Variants in RADIL observed in about 807,000 individuals in gnomAD.
RADIL encodes the protein Rap associating with DIL domain, also known as ras-associating and dilute domain-containing protein.
RADIL carries 99 observed loss-of-function variants against 97.6 expected under a neutral mutation model. The observed-to-expected ratio is 1.01, with a 90% CI of 0.86 to 1.20. The LOEUF (loss-of-function observed/expected upper bound fraction) is 1.20. Ranked by LOEUF, RADIL falls within the 50% of genes most tolerant of loss-of-function variation. The probability of loss-of-function intolerance (pLI) is 0.00; values close to 1 mark genes in which losing one functional copy is unlikely to be tolerated. For missense variants in RADIL, 1,765 were observed against 1,498.9 expected (o/e 1.18, Z -2.93); for synonymous variants, 803 against 691.8 (o/e 1.16, Z -2.52).
intron 2 of RADIL, among the ~76,000 whole-genome samples, chr7:4,844,751 C>G (rs1201915340): frequency 6.6e-6 from 1 of 151,966 alleles, no homozygotes; most frequent in Admixed American, 6.6e-5. Flanking sequence ...ACTACATGTG[C>G]ACACCACCAC....
intron 6 of RADIL, among the ~76,000 whole-genome samples, chr7:4,820,137 C>T (rs149092409): frequency 2.6e-5 from 4 of 152,360 alleles, no homozygotes; most frequent in Non-Finnish European, 4.4e-5. Flanking sequence ...GGCCCCGTCC[C>T]CCTGTCACAC....
At chr7:4,868,468 C>A (rs1470493955) in intron 2 of RADIL, among the ~76,000 whole-genome samples, 1 of 152,164 alleles carries the variant, frequency 6.6e-6, no homozygotes, top group Non-Finnish European at 1.5e-5. Flanking sequence ...GGGTGCAAAG[C>A]CGAAATCTTT....
Position 4,836,436 on chromosome 7 carries a change from C to A in RADIL, c.705G>T (p.Glu235Asp). ...ALPAAAQGPEEPGPDAMRYSL... is the reference protein window; with the variant it reads ...ALPAAAQGPEDPGPDAMRYSL... ...AGTACCGCATGGCGTCGGGGCCGGGCTCCTCGGGGCCCTGGGCGGCAGCGG... is the reference window on the plus strand; with the variant it reads ...AGTACCGCATGGCGTCGGGGCCGGGATCCTCGGGGCCCTGGGCGGCAGCGG... The change falls in exon 3 of 15, where the codon GAG becomes GAT. Residue 235 changes from glutamate (E) to aspartate (D), a missense_variant. Physicochemically the swap from Glu to Asp is conservative, Grantham distance 45. Transcript: ENST00000399583. The A allele has an allele frequency of 6.3e-7, 1 of 1,594,734 alleles. No individual in the cohort carries two copies. Among genetic ancestry groups the A allele is most frequent in the South Asian group, 1.1e-5 (1 of 88,860 alleles).
chr7:4,807,858 TGC>T lies in RADIL; in HGVS notation c.2140-2144_2140-2143del, dbSNP rs767966973. 9.5e-3 allele frequency among the ~76,000 whole-genome samples: 156 copies of T among 16,338 alleles called. 2 individuals carry two copies. Among genetic ancestry groups the T allele is most frequent in the Middle Eastern group, 0.033 (1 of 30 alleles). The allele number at this position is 16,338 out of a possible 152,430, so 10.7% of individuals were successfully genotyped here. On this transcript the variant is annotated intron_variant, in intron 9 of 14. Coordinates refer to ENST00000399583, the MANE Select transcript of RADIL (RefSeq NM_018059.5). ...TCTCTCCCTCTCTCTCTCCCCTCCC[TGC>T]CTCTCTCTCCCCCCCATCTCTCTCC...
chr7:4,801,002 G>A (rs1419551805), intron 12 of RADIL, among the ~76,000 whole-genome samples: 1 of 152,202 alleles, frequency 6.6e-6, no homozygotes, highest in African/African-American at 2.4e-5. Flanking sequence ...CCCCAGCCTA[G>A]GCCAGCTGCG....
rs1166759761 is a variant in RADIL, at chr7:4,879,980, C to T, written c.-64-1777G>A. Among the ~76,000 whole-genome samples, 2 of 152,176 alleles carry T rather than the reference C, an allele frequency of 1.3e-5. No homozygotes were observed. The highest frequency in any genetic ancestry group is 1.5e-5 in the Non-Finnish European group (1 of 68,028). ...ACCTTGAACTCTTCAGAAATACTTC[C>T]GACAGCTTCGCACACCAGAGACTGG... On this transcript the variant is annotated intron_variant, in intron 1 of 14. Coordinates refer to ENST00000399583, the MANE Select transcript of RADIL (RefSeq NM_018059.5). This position sits in a 1 kb window ranked among gnomAD's most constrained non-coding sequence, Gnocchi z 4.1.
rs1782779190 is a variant in RADIL, at chr7:4,819,784, C to T, written c.1616-2433G>A. On this transcript the variant is annotated intron_variant, in intron 6 of 14. Coordinates refer to ENST00000399583, the MANE Select transcript of RADIL (RefSeq NM_018059.5). The surrounding 1 kb of genome is among the most constrained non-coding windows in gnomAD (Gnocchi z 5.8). ...CCCCTTCTAGGGGCTATTTCCCACT[C>T]TGTTCCCTGGTGCCTGCCTGGCCCT... Among the ~76,000 whole-genome samples the T allele has an allele frequency of 6.6e-6, 1 of 152,248 alleles. No individual in the cohort carries two copies. Among genetic ancestry groups the T allele is most frequent in the Non-Finnish European group, 1.5e-5 (1 of 68,046 alleles).
At chr7:4,828,313 G>T (rs1277880221) in intron 5 of RADIL, among the ~76,000 whole-genome samples, 1 of 152,204 alleles carries the variant, frequency 6.6e-6, no homozygotes, top group Admixed American at 6.5e-5. Context: ...ACAAAAATTA[G>T]CTGGGCATGG....
intron 2 of RADIL, among the ~76,000 whole-genome samples, chr7:4,855,177 G>C (rs918932035): frequency 3.9e-4 from 59 of 152,140 alleles, no homozygotes; most frequent in Non-Finnish European, 7.3e-4. Context: ...CTCATTGATG[G>C]ATATGTGGAT....
chr7:4,806,022 G>T (rs974416485), intron 9 of RADIL: 66 of 985,330 alleles, frequency 6.7e-5, no homozygotes, highest in Non-Finnish European at 7.5e-5. Context: ...ACCACTACTG[G>T]GAAATGAACA....
At chr7:4,832,968 T>C (rs1408031334) in intron 4 of RADIL, among the ~76,000 whole-genome samples, 1 of 152,008 alleles carries the variant, frequency 6.6e-6, no homozygotes, top group African/African-American at 2.4e-5. Context: ...ATTCCCACAG[T>C]GGGTGCAGGG....
chr7:4,876,457 C>T (rs891838991), intron 2 of RADIL, among the ~76,000 whole-genome samples: 3 of 152,142 alleles, frequency 2.0e-5, no homozygotes, highest in South Asian at 2.1e-4. Flanking sequence ...CCTGCCACCA[C>T]GCCCGGCTAA....
chr7:4,836,523 A>G lies in RADIL; in HGVS notation c.618T>C (p.Ser206=), dbSNP rs2115003978. ...CTGTGCGGCGCAACCGGGGTGGAGG[A>G]GAGCTCCGGGCATCCCCCAGGGCCG... ...PTPALGDARS[S]PPPRLRRTVS... The change falls in exon 3 of 15, where the codon TCT becomes TCC. Residue 206 remains serine, a synonymous_variant. Coordinates refer to ENST00000399583, the MANE Select transcript of RADIL (RefSeq NM_018059.5). The G allele has an allele frequency of 6.2e-7, 1 of 1,607,490 alleles. No individual in the cohort carries two copies. Among genetic ancestry groups the G allele is most frequent in the Non-Finnish European group, 8.5e-7 (1 of 1,179,138 alleles).
At chr7:4,805,768 G>A in intron 9 of RADIL, 52 bp from the exon 10 acceptor site, 1 of 1,563,562 alleles carries the variant, frequency 6.4e-7, no homozygotes, top group East Asian at 2.3e-5. Flanking sequence ...GCAGACCCCA[G>A]CCCAAAGAGG....
At position 4,867,319 on chromosome 7, in the gene RADIL, C is replaced by T. The variant is rs560414270; in HGVS notation, c.535+10286G>A. ...TGGAAGAATGCCTCCGAGAACTCTG[C>T]ACAAGCCCTCAACAGGTTCATTGTG... On this transcript the variant is annotated intron_variant, in intron 2 of 14. Transcript: ENST00000399583. This position sits in a 1 kb window ranked among gnomAD's most constrained non-coding sequence, Gnocchi z 4.1. Among the ~76,000 whole-genome samples, 1 of 152,234 alleles carries T rather than the reference C, an allele frequency of 6.6e-6. No homozygotes were observed. The highest frequency in any genetic ancestry group is 2.4e-5 in the African/African-American group (1 of 41,552).
At chr7:4,832,118 C>A (rs1449914200) in intron 5 of RADIL, 23 bp downstream of exon 5, 1 of 1,604,032 alleles carries the variant, frequency 6.2e-7, no homozygotes, top group East Asian at 2.2e-5. Flanking sequence ...CAGAGGCGGG[C>A]ACAATAACCG....
At chr7:4,807,108 C>T (rs1267306199) in intron 9 of RADIL, among the ~76,000 whole-genome samples, 2 of 152,094 alleles carry the variant, frequency 1.3e-5, no homozygotes, top group South Asian at 2.1e-4. Flanking sequence ...GATGTGGCCT[C>T]GCTGCTGGGT....
intron 2 of RADIL, among the ~76,000 whole-genome samples, chr7:4,852,446 T>G (rs551493948): frequency 6.6e-6 from 1 of 152,214 alleles, no homozygotes; most frequent in South Asian, 2.1e-4. Flanking sequence ...TTTCCTCCTA[T>G]TATTTATTTA....
In RADIL at chr7:4,834,510, G is replaced by C. The variant is rs535718010; in HGVS notation, c.1416+97C>G. On this transcript the variant is annotated intron_variant, in intron 4 of 14. Transcript: ENST00000399583. The surrounding 1 kb of genome is among the most constrained non-coding windows in gnomAD (Gnocchi z 6.0). ...CAGCAGCACAGCACCGTGGGGGTCAGATAGAGGCGCTCCCGCCTCCCAGCC... is the reference window on the plus strand; with the variant it reads ...CAGCAGCACAGCACCGTGGGGGTCACATAGAGGCGCTCCCGCCTCCCAGCC... 73 of 1,225,590 alleles carry C rather than the reference G, an allele frequency of 6.0e-5. No homozygotes were observed. The highest frequency in any genetic ancestry group is 7.3e-5 in the Non-Finnish European group (71 of 977,358). 75.9% of individuals were successfully genotyped at this position (1,225,590 alleles called of 1,614,324 possible).
Sources: allele counts gnomAD v4.1 joint callset (sites outside exome capture counted in the v4.1 genomes callset), GRCh38; gene constraint gnomAD v4.1.1; non-coding constraint Gnocchi (gnomAD v3.1); transcripts MANE v1.5; gene names NCBI Gene and HGNC (gene_info 2026-07-23, HGNC 2026-07-21).